NFASC: variants seen among roughly 807,000 people sequenced by gnomAD.
The protein encoded by NFASC is neurofascin homolog.
A neutral mutation model predicts 147.5 loss-of-function variants in NFASC; 43 were observed. That is an observed-to-expected ratio of 0.29 (90% CI 0.23 to 0.38). The LOEUF (loss-of-function observed/expected upper bound fraction) is 0.38, where lower values mean the gene tolerates loss of function less well. NFASC is among the 10% of genes least tolerant of loss of function. The pLI is 1.00. For missense variants in NFASC, 1,320 were observed against 1,689.0 expected, an observed-to-expected ratio of 0.78 and a Z score of 3.83; for synonymous variants, 622 against 665.5, an observed-to-expected ratio of 0.93 and a Z score of 1.01.
At chr1:204,989,007 C>T in intron 23 of NFASC, 1 of 601,730 alleles carries the variant, frequency 1.7e-6, no homozygotes, top group Non-Finnish European at 3.0e-6. Context: ...TCTCCTTGGA[C>T]CACTGTGGTC....
intron 8 of NFASC, among the ~76,000 whole-genome samples, chr1:204,963,173 G>GGA (rs1302616482): frequency 6.6e-6 from 1 of 152,174 alleles, no homozygotes; most frequent in Non-Finnish European, 1.5e-5. Flanking sequence ...CGCGAGCCAG[G>GGA]GAGAGAGGCA....
At chr1:204,972,318 T>A (rs1365802375) in intron 11 of NFASC, among the ~76,000 whole-genome samples, 1 of 152,196 alleles carries the variant, frequency 6.6e-6, no homozygotes, top group East Asian at 1.9e-4. Flanking sequence ...TTTCTAGTGG[T>A]TAAAGATGAG....
chr1:204,956,656 C>A (rs1573707610), intron 7 of NFASC, among the ~76,000 whole-genome samples: 1 of 152,202 alleles, frequency 6.6e-6, no homozygotes, highest in African/African-American at 2.4e-5. Flanking sequence ...TCTTGCCCAA[C>A]CTTTCACCAG....
chr1:204,890,808 G>A (rs1028721726), intron 1 of NFASC, among the ~76,000 whole-genome samples: 2 of 152,058 alleles, frequency 1.3e-5, no homozygotes, highest in Non-Finnish European at 2.9e-5. Context: ...GACCTCGGGT[G>A]ATCCACCCGC....
rs1055760966 is a variant in NFASC, at chr1:205,018,968, C to T, written c.*2429C>T. 9 of 152,302 alleles carry T rather than the reference C, an allele frequency of 5.9e-5. No homozygotes were observed. Among genetic ancestry groups the T allele is most frequent in the Non-Finnish European group, 1.2e-4 (8 of 68,120 alleles). The allele number at this position is 152,302 out of a possible 1,614,324, so 9.4% of individuals were successfully genotyped here. A position where few individuals can be genotyped will look rare whatever the true frequency, so the allele number is the denominator to read the frequency against. ...TTCCAGTGTCCTGCCAGGCTCTGTA[C>T]TGTCCTTTGTGTATGAAGAAAATGC... is the stretch of plus-strand genomic sequence containing the variant. On this transcript the variant is annotated 3_prime_UTR_variant, in exon 30 of 30. Transcript: ENST00000339876.
chr1:204,951,912 C>T (rs1018686628), intron 4 of NFASC, 99 bp from the exon 5 acceptor site: 1 of 895,742 alleles, frequency 1.1e-6, no homozygotes, highest in Non-Finnish European at 1.8e-6. Flanking sequence ...TGCCTGCTTG[C>T]ATGTGTGGCT....
intron 28 of NFASC, among the ~76,000 whole-genome samples, chr1:205,012,518 C>A (rs2096271668): frequency 6.6e-6 from 1 of 152,122 alleles, no homozygotes. Flanking sequence ...GGGGAGACTT[C>A]ATGGAGATGT....
chr1:204,996,682 T>C (rs2095851085), intron 24 of NFASC, among the ~76,000 whole-genome samples: 1 of 152,116 alleles, frequency 6.6e-6, no homozygotes, highest in Non-Finnish European at 1.5e-5. Context: ...AGGGTGATTT[T>C]GGAGTGATTG....
chr1:204,985,705 T>C (rs546855255), intron 21 of NFASC, among the ~76,000 whole-genome samples: 7 of 152,282 alleles, frequency 4.6e-5, no homozygotes, highest in African/African-American at 1.7e-4. Flanking sequence ...AAACCCTTAT[T>C]TCTTGTTTAA....
chr1:204,911,668 G>A (rs953986543), intron 1 of NFASC, among the ~76,000 whole-genome samples: 6 of 152,134 alleles, frequency 3.9e-5, no homozygotes, highest in Non-Finnish European at 2.9e-5. Flanking sequence ...ATTAGAAAGT[G>A]TTTCCCCTCT....
chr1:204,975,144 C>A lies in NFASC; in HGVS notation c.1559-127C>A, dbSNP rs560507733. 3.0e-6 allele frequency: 3 copies of A among 1,015,038 alleles called. No individual in the cohort carries two copies. The highest frequency in any genetic ancestry group is 3.2e-5 in the African/African-American group (2 of 62,174). The allele number at this position is 1,015,038 out of a possible 1,614,324, so 62.9% of individuals were successfully genotyped here. A position where few individuals can be genotyped will look rare whatever the true frequency, so the allele number is the denominator to read the frequency against. ...GAACTCTGCTCCGTTCATACCATAG[C>A]ATACTGTTTGTGCCCCACTCCATAG... On this transcript the variant is annotated intron_variant, in intron 14 of 29. Coordinates refer to ENST00000339876, the MANE Select transcript of NFASC (RefSeq NM_001005388.3). The surrounding 1 kb of genome is among the most constrained non-coding windows in gnomAD (Gnocchi z 4.0).
intron 8 of NFASC, chr1:204,962,142 C>T: frequency 6.2e-7 from 1 of 1,613,594 alleles, no homozygotes; most frequent in Non-Finnish European, 8.5e-7. Context: ...TAAGAAACCA[C>T]CCTGACATGT....
At chr1:204,836,297 A>G (rs1673772268) in intron 1 of NFASC, among the ~76,000 whole-genome samples, 1 of 152,126 alleles carries the variant, frequency 6.6e-6, no homozygotes, top group African/African-American at 2.4e-5. Flanking sequence ...AGGTGGAAGA[A>G]TCTCCCCTAT....
intron 2 of NFASC, among the ~76,000 whole-genome samples, chr1:204,930,248 T>A (rs954259766): frequency 6.6e-6 from 1 of 152,092 alleles, no homozygotes; most frequent in Non-Finnish European, 1.5e-5. Context: ...GACAGAAAGC[T>A]CTGAGAGTCA....
At chr1:204,828,833 C>T (rs956111089) in intron 1 of NFASC, 51 bp downstream of exon 1, 2 of 981,270 alleles carry the variant, frequency 2.0e-6, no homozygotes, top group Non-Finnish European at 2.4e-6. Flanking sequence ...CATGGAAACC[C>T]ACCTAGCGAC....
At chr1:204,839,058 G>A (rs1674541767) in intron 1 of NFASC, among the ~76,000 whole-genome samples, 1 of 152,186 alleles carries the variant, frequency 6.6e-6, no homozygotes, top group Non-Finnish European at 1.5e-5. Context: ...GGCTTGCTAT[G>A]TATAAGTCTG....
intron 8 of NFASC, 136 bp downstream of exon 8, chr1:204,957,962 C>T: frequency 1.3e-6 from 1 of 748,790 alleles, no homozygotes; most frequent in Non-Finnish European, 2.2e-6. Flanking sequence ...GCTCATGGTG[C>T]CTGAGCCACT....
intron 1 of NFASC, among the ~76,000 whole-genome samples, chr1:204,867,641 A>G (rs1385488846): frequency 6.6e-6 from 1 of 152,082 alleles, no homozygotes; most frequent in Non-Finnish European, 1.5e-5. Flanking sequence ...ATTTAGACTT[A>G]TACATACACC....
intron 1 of NFASC, among the ~76,000 whole-genome samples, chr1:204,853,995 C>T (rs535203182): frequency 6.6e-6 from 1 of 152,238 alleles, no homozygotes; most frequent in South Asian, 2.1e-4. Context: ...CCAAGAAAGC[C>T]TCCTGCCTGT....
Sources: allele counts gnomAD v4.1 joint callset (sites outside exome capture counted in the v4.1 genomes callset), GRCh38; gene constraint gnomAD v4.1.1; non-coding constraint Gnocchi (gnomAD v3.1); transcripts MANE v1.5; gene names NCBI Gene and HGNC (gene_info 2026-07-23, HGNC 2026-07-21).